Variants in SERPINE2 observed in about 807,000 individuals in gnomAD.
SERPINE2 encodes glia-derived nexin.
In SERPINE2, 14 loss-of-function variants were observed where a neutral mutation model predicts 36.3. The ratio of observed to expected loss-of-function variants is 0.39; its 90% CI spans 0.25 to 0.60. The LOEUF (loss-of-function observed/expected upper bound fraction) is 0.60, where lower values mean the gene tolerates loss of function less well. Among genes scored for constraint, SERPINE2 ranks in the 20% least tolerant of loss-of-function variants. The probability of loss-of-function intolerance (pLI) is 0.57; values close to 1 mark genes in which losing one functional copy is unlikely to be tolerated. For missense variants in SERPINE2, 418 were observed against 499.6 expected, an observed-to-expected ratio of 0.84 and a Z score of 1.56; for synonymous variants, 192 against 191.8, an observed-to-expected ratio of 1.00 and a Z score of -0.01.
At chr2:224,031,220 A>G (rs1692353316) in intron 1 of SERPINE2, 1 of 984,528 alleles carries the variant, frequency 1.0e-6, no homozygotes, top group East Asian at 1.1e-4. Flanking sequence ...GCGACCCTAC[A>G]TATTCACAGG....
At chr2:224,003,443 A>C (rs1300820454) in intron 1 of SERPINE2, among the ~76,000 whole-genome samples, 1 of 152,208 alleles carries the variant, frequency 6.6e-6, no homozygotes, top group African/African-American at 2.4e-5. Context: ...TACCATAAGC[A>C]CACTGCTTTT....
In SERPINE2 at chr2:224,022,979, C is replaced by G. The variant is rs1235530693; in HGVS notation, c.-23+16120G>C. ...TCCTGTCACCCTGTGAAGAAGGTGC[C>G]TGCTTTTCCTTTGCCTTCCACCATG... On this transcript the variant is annotated intron_variant, in intron 1 of 8. Transcript: ENST00000409304. 9.2e-5 allele frequency among the ~76,000 whole-genome samples: 14 copies of G among 152,204 alleles called. 1 individual carries two copies. Among genetic ancestry groups the G allele is most frequent in the Admixed American group, 9.2e-4 (14 of 15,284 alleles).
chr2:224,020,706 C>T (rs1691969844), intron 1 of SERPINE2, among the ~76,000 whole-genome samples: 1 of 152,154 alleles, frequency 6.6e-6, no homozygotes, highest in Non-Finnish European at 1.5e-5. Context: ...CTGAGCAATT[C>T]CCAGCTGTAA....
chr2:223,985,076 G>C (rs532323506), intron 4 of SERPINE2, 126 bp from the exon 5 acceptor site: 1 of 718,024 alleles, frequency 1.4e-6, no homozygotes, highest in Non-Finnish European at 2.4e-6. Flanking sequence ...TCCACAAATA[G>C]CTTCCTTAGA....
chr2:223,999,948 C>A (rs893400508), intron 2 of SERPINE2, among the ~76,000 whole-genome samples: 1 of 152,174 alleles, frequency 6.6e-6, no homozygotes, highest in African/African-American at 2.4e-5. Flanking sequence ...TTTAGTCCTT[C>A]CATGCTTCCA....
At position 223,991,795 on chromosome 2, in the gene SERPINE2, G is replaced by A; in HGVS notation, c.685+8C>T. The A allele has an allele frequency of 6.2e-7, 1 of 1,613,336 alleles. No homozygotes were observed. The highest frequency in any genetic ancestry group is 8.5e-7 in the Non-Finnish European group (1 of 1,179,842). ...TCCTAGAACAGGCTTCGCTGAGCAT[G>A]AACTCACCACACCGGAACACGGAGA... On this transcript the variant is annotated splice_region_variant and intron_variant, in intron 4 of 8. Coordinates refer to ENST00000409304, the MANE Select transcript of SERPINE2 (RefSeq NM_001136528.2).
intron 2 of SERPINE2, among the ~76,000 whole-genome samples, chr2:224,000,270 G>A (rs1308188189): frequency 6.6e-6 from 1 of 152,174 alleles, no homozygotes; most frequent in East Asian, 1.9e-4. Context: ...GTCACAGAGG[G>A]TGCTGGTGGC....
intron 1 of SERPINE2, among the ~76,000 whole-genome samples, chr2:224,009,436 C>G (rs1322724431): frequency 1.3e-5 from 2 of 152,122 alleles, no homozygotes; most frequent in Admixed American, 1.3e-4. Context: ...GGCTCAAGCC[C>G]GTAACCCCAG....
chr2:224,002,054 G>A, intron 1 of SERPINE2, 132 bp from the exon 2 acceptor site: 1 of 783,034 alleles, frequency 1.3e-6, no homozygotes, highest in East Asian at 2.7e-5. Context: ...TCAGCTCACT[G>A]CAACCTCCGC....
chr2:224,038,482 C>T (rs1328959590), intron 1 of SERPINE2: 4 of 1,551,220 alleles, frequency 2.6e-6, no homozygotes, highest in Non-Finnish European at 3.5e-6. Context: ...ACCGTACTTT[C>T]ATTTTACCTG....
At chr2:224,008,322 A>G (rs541212523) in intron 1 of SERPINE2, among the ~76,000 whole-genome samples, 21 of 152,250 alleles carry the variant, frequency 1.4e-4, no homozygotes, top group Non-Finnish European at 2.5e-4. Context: ...TAGAATATTT[A>G]TATAAAAAGA....
At chr2:223,983,112 T>C (rs1255577475) in intron 5 of SERPINE2, among the ~76,000 whole-genome samples, 1 of 152,206 alleles carries the variant, frequency 6.6e-6, no homozygotes, top group Admixed American at 6.5e-5. Flanking sequence ...TGTTAACAAG[T>C]TCCTAGTACT....
chr2:224,018,554 C>T (rs1401508747), intron 1 of SERPINE2, among the ~76,000 whole-genome samples: 1 of 150,208 alleles, frequency 6.7e-6, no homozygotes, highest in Non-Finnish European at 1.5e-5. Context: ...AAAAACCCTC[C>T]ATTTTTGCAA....
At chr2:223,987,228 C>A (rs1261095411) in intron 4 of SERPINE2, among the ~76,000 whole-genome samples, 2 of 152,134 alleles carry the variant, frequency 1.3e-5, no homozygotes, top group Non-Finnish European at 2.9e-5. Context: ...CATAAGCTGG[C>A]CCATAGCAAA....
At chr2:224,004,603 C>A (rs1008011980) in intron 1 of SERPINE2, among the ~76,000 whole-genome samples, 1 of 152,124 alleles carries the variant, frequency 6.6e-6, no homozygotes, top group Admixed American at 6.6e-5. Flanking sequence ...ACCGTGGAAG[C>A]TTTATTCATT....
rs1491551598 is a variant in SERPINE2 at position 223,993,558 on chromosome 2, GTA to G, written c.488-1560_488-1559del. Among the ~76,000 whole-genome samples, 13 of 129,370 alleles carry G rather than the reference GTA, an allele frequency of 1.0e-4. No homozygotes were observed. The South Asian group carries it at 1.3e-3, about 13-fold the overall frequency. 84.9% of individuals were successfully genotyped at this position (129,370 alleles called of 152,430 possible). ...TGTGTGTGTGTGTGTGTGTGTGTGTGTATGTGTGTATGTGTATAAATACATAA... is the reference window on the plus strand; with the variant it reads ...TGTGTGTGTGTGTGTGTGTGTGTGTGTGTGTGTATGTGTATAAATACATAA... On this transcript the variant is annotated intron_variant, in intron 3 of 8. Transcript: ENST00000409304.
chr2:223,987,017 AGAGGACACGTGCCAAAGCCAC>A (rs1470349521), intron 4 of SERPINE2, among the ~76,000 whole-genome samples: 1 of 152,164 alleles, frequency 6.6e-6, no homozygotes, highest in Non-Finnish European at 1.5e-5. Flanking sequence ...ATCCTTTTAT[AGAGGACACGTGCCAAAGCCAC>A]GAGATCTGGG....
chr2:224,008,788 T>A (rs1377794336), intron 1 of SERPINE2, among the ~76,000 whole-genome samples: 3 of 152,232 alleles, frequency 2.0e-5, no homozygotes, highest in Non-Finnish European at 4.4e-5. Flanking sequence ...TGAGCAACAG[T>A]GATAAGGAAA....
chr2:224,002,125 T>C (rs1054503453), intron 1 of SERPINE2, among the ~76,000 whole-genome samples: 1 of 151,848 alleles, frequency 6.6e-6, no homozygotes, highest in Non-Finnish European at 1.5e-5. Flanking sequence ...TACAGGCGTG[T>C]ACCACCATAC....
Sources: gnomAD v4.1 joint callset for allele counts (sites outside exome capture counted in the v4.1 genomes callset) on GRCh38, gnomAD v4.1.1 for gene constraint, MANE v1.5 for transcripts, NCBI Gene and HGNC (gene_info 2026-07-23, HGNC 2026-07-21) for gene names.